Variants in CCDC93 observed in about 807,000 individuals in gnomAD.
The protein encoded by CCDC93 is coiled-coil domain-containing protein 93.
A neutral mutation model predicts 108.2 loss-of-function variants in CCDC93; 61 were observed. That is an observed-to-expected ratio of 0.56 (90% CI 0.46 to 0.70). The LOEUF (loss-of-function observed/expected upper bound fraction) is 0.70. Ranked by LOEUF, CCDC93 falls within the 30% of genes least tolerant of loss-of-function variation. The probability of loss-of-function intolerance (pLI) is 0.00; values close to 1 mark genes in which losing one functional copy is unlikely to be tolerated. For synonymous variants in CCDC93, 276 were observed against 260.4 expected (o/e 1.06, Z -0.58); for missense variants, 685 against 764.2 (o/e 0.90, Z 1.22).
Position 118,013,868 on chromosome 2 carries a change from C to A in CCDC93, c.42+86G>T, listed in dbSNP as rs570516770. On this transcript the variant is annotated intron_variant, in intron 1 of 23. Coordinates refer to ENST00000376300, the MANE Select transcript of CCDC93 (RefSeq NM_019044.5). ...AAGGGGGCGGGGCGCCCCTAACGCA[C>A]CCAGGGCCCGCTCAGCCCGCCGCCC... The A allele has an allele frequency of 1.2e-4, 148 of 1,280,058 alleles. No homozygotes were observed. In the African/African-American group the frequency reaches 2.1e-3, roughly 18 times the overall value. 79.3% of individuals were successfully genotyped at this position (1,280,058 alleles called of 1,614,324 possible). A position where few individuals can be genotyped will look rare whatever the true frequency, so the allele number is the denominator to read the frequency against.
intron 17 of CCDC93, 67 bp from the exon 18 acceptor site, chr2:117,944,153 A>G (rs912293529): frequency 1.8e-6 from 2 of 1,138,562 alleles, no homozygotes; most frequent in South Asian, 1.5e-5. Context: ...GGAGTCTTTG[A>G]AAGTTGAATA....
intron 22 of CCDC93, 86 bp from the exon 23 acceptor site, chr2:117,931,236 A>C (rs910020620): frequency 3.5e-6 from 3 of 849,764 alleles, no homozygotes; most frequent in Non-Finnish European, 5.8e-6. Flanking sequence ...ACAGTTGTTA[A>C]CAGTTTCATG....
intron 21 of CCDC93, among the ~76,000 whole-genome samples, chr2:117,935,992 T>C (rs1678509750): frequency 6.6e-6 from 1 of 152,122 alleles, no homozygotes; most frequent in African/African-American, 2.4e-5. Flanking sequence ...TATTCTGAGA[T>C]TTCCTAAAAC....
intron 23 of CCDC93, among the ~76,000 whole-genome samples, chr2:117,925,236 C>A (rs372237879): frequency 2.6e-5 from 4 of 152,122 alleles, no homozygotes; most frequent in East Asian, 1.9e-4. Context: ...TAACCAGCTA[C>A]CATCATAATG....
chr2:117,954,685 T>C (rs1256309023), intron 12 of CCDC93, among the ~76,000 whole-genome samples: 1 of 152,190 alleles, frequency 6.6e-6, no homozygotes, highest in Non-Finnish European at 1.5e-5. Flanking sequence ...TCTATTCCTT[T>C]GCATATTCCC....
chr2:117,993,389 G>A (rs36025619), intron 6 of CCDC93, among the ~76,000 whole-genome samples: 8,933 of 130,582 alleles, frequency 0.068, 300 homozygotes, highest in Middle Eastern at 0.2. Context: ...GCGAGACTCC[G>A]TCTCAAAAAA....
At chr2:117,949,856 G>T (rs1184174755) in intron 13 of CCDC93, 7 of 985,266 alleles carry the variant, frequency 7.1e-6, no homozygotes, top group Non-Finnish European at 8.4e-6. Context: ...GGCCAAAAAG[G>T]ATGGTTAACA....
At chr2:117,975,510 A>G (rs575560432) in intron 8 of CCDC93, among the ~76,000 whole-genome samples, 3 of 152,216 alleles carry the variant, frequency 2.0e-5, no homozygotes, top group Admixed American at 6.5e-5. Context: ...CTGCTCACTG[A>G]TTAAATTCAG....
chr2:117,941,539 A>T (rs1042389802), intron 18 of CCDC93, among the ~76,000 whole-genome samples: 1 of 152,090 alleles, frequency 6.6e-6, no homozygotes, highest in Non-Finnish European at 1.5e-5. Context: ...AAATGAGTGG[A>T]CCAGGAGGGA....
intron 16 of CCDC93, among the ~76,000 whole-genome samples, 161 bp from the exon 17 acceptor site, chr2:117,945,743 C>A (rs976773556): frequency 7.2e-5 from 11 of 152,144 alleles, no homozygotes; most frequent in African/African-American, 2.7e-4. Flanking sequence ...AGAAAGGGAA[C>A]TGCCCTTAGA....
intron 11 of CCDC93, among the ~76,000 whole-genome samples, chr2:117,973,448 T>C (rs1199065733): frequency 6.7e-6 from 1 of 149,920 alleles, no homozygotes; most frequent in African/African-American, 2.4e-5. Flanking sequence ...TGAAATATGA[T>C]TTCAGGCTTT....
At chr2:117,961,853 ATC>A (rs2104761814) in intron 11 of CCDC93, among the ~76,000 whole-genome samples, 1 of 152,344 alleles carries the variant, frequency 6.6e-6, no homozygotes, top group East Asian at 1.9e-4. Flanking sequence ...AAAATGCAAC[ATC>A]TGTCAAAGAA....
Position 117,953,037 on chromosome 2 carries a change from A to G in CCDC93, c.1006-602T>C, listed in dbSNP as rs114568011. On this transcript the variant is annotated intron_variant, in intron 12 of 23. Coordinates refer to ENST00000376300, the MANE Select transcript of CCDC93 (RefSeq NM_019044.5). ...TCAATTCCCTTTCTCTTGCTAAAACAGTATATCCTTGTGTCTATCAACTTT... is the reference window on the plus strand; with the variant it reads ...TCAATTCCCTTTCTCTTGCTAAAACGGTATATCCTTGTGTCTATCAACTTT... 3.9e-3 allele frequency among the ~76,000 whole-genome samples: 590 copies of G among 152,368 alleles called. 8 individuals are homozygous for G. Among genetic ancestry groups the G allele is most frequent in the African/African-American group, 0.014 (563 of 41,586 alleles).
intron 7 of CCDC93, among the ~76,000 whole-genome samples, chr2:117,985,170 T>C (rs555368496): frequency 6.6e-6 from 1 of 151,910 alleles, no homozygotes; most frequent in African/African-American, 2.4e-5. Flanking sequence ...CATAAGCAAT[T>C]GCATGCAATT....
chr2:117,954,412 C>A (rs1679155340), intron 12 of CCDC93, among the ~76,000 whole-genome samples: 1 of 152,092 alleles, frequency 6.6e-6, no homozygotes. Context: ...AGGCTCATCT[C>A]TTTTCTTTTC....
chr2:117,937,933 C>G (rs563350359), intron 20 of CCDC93, among the ~76,000 whole-genome samples: 1 of 152,196 alleles, frequency 6.6e-6, no homozygotes, highest in Non-Finnish European at 1.5e-5. Context: ...TGTCTGACAG[C>G]AGGCAGTAAA....
chr2:117,953,919 G>C (rs923216813), intron 12 of CCDC93, among the ~76,000 whole-genome samples: 1 of 152,026 alleles, frequency 6.6e-6, no homozygotes, highest in Non-Finnish European at 1.5e-5. Flanking sequence ...AAAGAGGCTT[G>C]AGTGGGCTCC....
At chr2:117,976,417 C>T (rs1679945712) in intron 8 of CCDC93, among the ~76,000 whole-genome samples, 1 of 151,944 alleles carries the variant, frequency 6.6e-6, no homozygotes, top group Admixed American at 6.6e-5. Context: ...AGAAAACACC[C>T]TGCTCTGTAG....
intron 7 of CCDC93, among the ~76,000 whole-genome samples, chr2:117,984,436 G>A (rs1308274081): frequency 1.3e-5 from 2 of 152,180 alleles, no homozygotes; most frequent in African/African-American, 4.8e-5. Flanking sequence ...CACTCCTGAT[G>A]ACAGACAGGG....
Sources: gnomAD v4.1 joint callset for allele counts (sites outside exome capture counted in the v4.1 genomes callset) on GRCh38, gnomAD v4.1.1 for gene constraint, MANE v1.5 for transcripts, NCBI Gene and HGNC (gene_info 2026-07-23, HGNC 2026-07-21) for gene names.